NRXN3: variants seen among roughly 807,000 people sequenced by gnomAD.
The protein encoded by NRXN3 is neurexin III.
A neutral mutation model predicts 137.6 loss-of-function variants in NRXN3; 32 were observed. That is an observed-to-expected ratio of 0.23 (90% CI 0.18 to 0.31). The LOEUF is 0.31. Among genes scored for constraint, NRXN3 ranks in the 10% least tolerant of loss-of-function variants. The probability of loss-of-function intolerance (pLI) is 1.00; values close to 1 mark genes in which losing one functional copy is unlikely to be tolerated. For missense variants in NRXN3, 1,574 were observed against 2,062.5 expected (o/e 0.76, Z 4.59); for synonymous variants, 798 against 784.5 (o/e 1.02, Z -0.29).
chr14:78,544,867 A>T (rs2096623554), intron 4 of NRXN3, among the ~76,000 whole-genome samples: 1 of 152,314 alleles, frequency 6.6e-6, no homozygotes, highest in Non-Finnish European at 1.5e-5. Context: ...GCATGGGTAG[A>T]GGTGGCAACA....
chr14:78,958,418 C>T (rs563083849), intron 11 of NRXN3, among the ~76,000 whole-genome samples: 6 of 150,790 alleles, frequency 4.0e-5, no homozygotes, highest in East Asian at 2.0e-4. Flanking sequence ...TGCAGTGGCG[C>T]GATCTTGGCT....
chr14:78,590,532 T>C lies in NRXN3; in HGVS notation c.758-54588T>C, dbSNP rs556837470. Among the ~76,000 whole-genome samples the C allele has an allele frequency of 2.6e-5, 4 of 152,310 alleles. No homozygotes were observed. The East Asian group carries it at 7.7e-4, about 29-fold the overall frequency. On this transcript the variant is annotated intron_variant, in intron 4 of 20. Transcript: ENST00000335750. The stretch of plus-strand genomic sequence containing the variant: ...AAAGGAAAGTTTGATAGTTTCTTCT[T>C]TGGGAGTGAAAACCCTATGCATTTA...
intron 8 of NRXN3, among the ~76,000 whole-genome samples, chr14:78,798,473 T>A (rs1421305433): frequency 6.6e-6 from 1 of 152,210 alleles, no homozygotes; most frequent in African/African-American, 2.4e-5. Context: ...ATTCCTCTCC[T>A]GGCAGCTTTC....
In NRXN3 at chr14:78,519,703, A is replaced by G. The variant is rs923603433; in HGVS notation, c.758-125417A>G. 2.0e-5 allele frequency among the ~76,000 whole-genome samples: 3 copies of G among 151,660 alleles called. 1 individual carries two copies. In the South Asian group the frequency reaches 6.3e-4, roughly 32 times the overall value. ...AGTTAGCAACTAACTGTCTAAGATG[A>G]TTGGGAGCATTCACAGAGAAGGTTA... On this transcript the variant is annotated intron_variant, in intron 4 of 20. Coordinates refer to ENST00000335750, the MANE Select transcript of NRXN3 (RefSeq NM_001330195.2).
At chr14:78,764,654 T>G (rs780887276) in intron 8 of NRXN3, among the ~76,000 whole-genome samples, 2 of 152,212 alleles carry the variant, frequency 1.3e-5, no homozygotes, top group Non-Finnish European at 2.9e-5. Context: ...AAGTGACTAC[T>G]GGCTTAGAAG....
intron 8 of NRXN3, among the ~76,000 whole-genome samples, chr14:78,770,279 A>G (rs2098722849): frequency 6.6e-6 from 1 of 152,182 alleles, no homozygotes; most frequent in Admixed American, 6.5e-5. Flanking sequence ...CTGGTTCCAG[A>G]GCACACATTG....
intron 15 of NRXN3, among the ~76,000 whole-genome samples, chr14:79,144,684 G>A (rs767215905): frequency 3.3e-5 from 5 of 152,138 alleles, no homozygotes; most frequent in African/African-American, 7.2e-5. Flanking sequence ...TCTTGGAAGC[G>A]TAACATTTTC....
At chr14:78,745,334 A>G (rs1264363595) in intron 8 of NRXN3, 2 of 152,304 alleles carry the variant, frequency 1.3e-5, no homozygotes, top group African/African-American at 4.8e-5. Context: ...GCAGAGAGAG[A>G]AAGCCCATCA....
intron 19 of NRXN3, among the ~76,000 whole-genome samples, chr14:79,782,623 A>G (rs1002380588): frequency 2.6e-5 from 4 of 152,188 alleles, no homozygotes; most frequent in African/African-American, 9.7e-5. Flanking sequence ...TATGATTTTC[A>G]TGCTCTCTTG....
intron 20 of NRXN3, among the ~76,000 whole-genome samples, chr14:79,816,775 A>G (rs1603597989): frequency 6.6e-6 from 1 of 152,224 alleles, no homozygotes; most frequent in African/African-American, 2.4e-5. Context: ...AAATATGTCA[A>G]TGTCCTTTGC....
chr14:79,584,326 G>A (rs2153814169), intron 16 of NRXN3, among the ~76,000 whole-genome samples: 1 of 152,320 alleles, frequency 6.6e-6, no homozygotes, highest in African/African-American at 2.4e-5. Context: ...TCGATGAAAT[G>A]TTCTAAGAGT....
chr14:79,179,602 T>C (rs2062707612), intron 15 of NRXN3, among the ~76,000 whole-genome samples: 1 of 152,188 alleles, frequency 6.6e-6, no homozygotes, highest in African/African-American at 2.4e-5. Flanking sequence ...TTATAGCAAT[T>C]CTTAACTTGC....
intron 15 of NRXN3, among the ~76,000 whole-genome samples, chr14:79,106,675 C>A (rs1223635921): frequency 6.6e-6 from 1 of 151,954 alleles, no homozygotes; most frequent in African/African-American, 2.4e-5. Flanking sequence ...TCTAAAATAG[C>A]CATTAATTTG....
intron 17 of NRXN3, among the ~76,000 whole-genome samples, chr14:79,666,736 G>A (rs190932161): frequency 4.6e-5 from 7 of 152,096 alleles, no homozygotes; most frequent in Admixed American, 4.6e-4. Context: ...TATCTCAAAG[G>A]TCACTTTCCA....
chr14:79,709,745 A>G (rs965198456), intron 19 of NRXN3, among the ~76,000 whole-genome samples: 3 of 152,134 alleles, frequency 2.0e-5, no homozygotes, highest in African/African-American at 7.2e-5. Context: ...CCCAGCCTTT[A>G]TCTCGGGGCT....
At chr14:79,086,393 C>T (rs549501905) in intron 15 of NRXN3, among the ~76,000 whole-genome samples, 1 of 152,220 alleles carries the variant, frequency 6.6e-6, no homozygotes, top group African/African-American at 2.4e-5. Flanking sequence ...TTAAGCTTCC[C>T]TTGTAATTTC....
chr14:78,708,476 C>T (rs1317363878), intron 6 of NRXN3: 2 of 151,608 alleles, frequency 1.3e-5, no homozygotes, highest in Non-Finnish European at 2.9e-5. Context: ...CAGCTTTTAA[C>T]ACTTACTCTT....
chr14:78,881,261 A>G (rs142108113), intron 10 of NRXN3, among the ~76,000 whole-genome samples: 165 of 151,836 alleles, frequency 1.1e-3, no homozygotes, highest in Non-Finnish European at 2.2e-3. Flanking sequence ...GGCACCAGGT[A>G]GTGGGATACT....
At chr14:79,634,126 T>C (rs2098384351) in intron 16 of NRXN3, among the ~76,000 whole-genome samples, 3 of 152,330 alleles carry the variant, frequency 2.0e-5, no homozygotes, top group African/African-American at 4.8e-5. Flanking sequence ...ACAGCTGTGA[T>C]TGGAGCAAGA....
Sources: gnomAD v4.1 joint callset for allele counts (sites outside exome capture counted in the v4.1 genomes callset) on GRCh38, gnomAD v4.1.1 for gene constraint, MANE v1.5 for transcripts, NCBI Gene and HGNC (gene_info 2026-07-23, HGNC 2026-07-21) for gene names.